Variants in COMMD10 observed in about 807,000 individuals in gnomAD.
The protein encoded by COMMD10 is COMM domain containing 10, also known as COMM domain-containing protein 10.
In COMMD10, 33 loss-of-function variants were observed where a neutral mutation model predicts 28.9. The observed-to-expected ratio is 1.14, with a 90% confidence interval of 0.87 to 1.53. The LOEUF (loss-of-function observed/expected upper bound fraction) is 1.53. Ranked by LOEUF, COMMD10 falls within the 40% of genes most tolerant of loss-of-function variation. The pLI is 0.00. For missense variants in COMMD10, 310 were observed against 233.4 expected (o/e 1.33, Z -2.14); for synonymous variants, 110 against 81.7 (o/e 1.35, Z -1.87).
intron 5 of COMMD10, among the ~76,000 whole-genome samples, chr5:116,209,304 C>T (rs867515403): frequency 4.5e-4 from 68 of 152,112 alleles, no homozygotes; most frequent in African/African-American, 1.4e-3. Context: ...AAATTTGGCA[C>T]TTAATGGTTT....
chr5:116,231,408 C>A (rs1326031696), intron 5 of COMMD10, among the ~76,000 whole-genome samples: 1 of 151,896 alleles, frequency 6.6e-6, no homozygotes, highest in Non-Finnish European at 1.5e-5. Context: ...CTTTGGAGAA[C>A]AAAAATGGTA....
intron 5 of COMMD10, among the ~76,000 whole-genome samples, chr5:116,283,836 A>C (rs751872484): frequency 4.0e-5 from 6 of 151,786 alleles, no homozygotes; most frequent in African/African-American, 1.5e-4. Context: ...TCCTGTTACA[A>C]TTATCAGCAA....
chr5:116,189,386 G>A (rs1748268737), intron 5 of COMMD10, among the ~76,000 whole-genome samples: 1 of 152,186 alleles, frequency 6.6e-6, no homozygotes, highest in East Asian at 1.9e-4. Context: ...AGCAGTGGTG[G>A]TGGTGCCACA....
At chr5:116,179,499 G>T (rs1279523331) in intron 5 of COMMD10, among the ~76,000 whole-genome samples, 1 of 152,100 alleles carries the variant, frequency 6.6e-6, no homozygotes, top group African/African-American at 2.4e-5. Context: ...TAGAAGAAAT[G>T]AGACATTGAA....
intron 4 of COMMD10, among the ~76,000 whole-genome samples, chr5:116,114,119 T>A (rs1751152838): frequency 6.6e-6 from 1 of 152,294 alleles, no homozygotes; most frequent in South Asian, 2.1e-4. Flanking sequence ...GGTGAAATTA[T>A]GCTAGGGACT....
At chr5:116,112,898 A>G (rs77779620) in intron 4 of COMMD10, among the ~76,000 whole-genome samples, 2 of 152,094 alleles carry the variant, frequency 1.3e-5, no homozygotes, top group East Asian at 1.9e-4. Context: ...TCTTCTTTGT[A>G]TGATATCTTT....
chr5:116,131,947 G>T (rs141469694), intron 4 of COMMD10, among the ~76,000 whole-genome samples: 1 of 152,004 alleles, frequency 6.6e-6, no homozygotes, highest in Non-Finnish European at 1.5e-5. Flanking sequence ...GTTTTAGAAC[G>T]TAGGAGTGGA....
chr5:116,271,484 T>G lies in COMMD10; in HGVS notation c.511-20033T>G, dbSNP rs77000194. The stretch of plus-strand genomic sequence containing the variant: ...TGTTTCCTATCTCAAATCTAGTTTC[T>G]ATTATGTAAGTATAAGTACCCTCCA... On this transcript the variant is annotated intron_variant, in intron 5 of 6. Coordinates refer to ENST00000274458, the MANE Select transcript of COMMD10 (RefSeq NM_016144.4). Among the ~76,000 whole-genome samples, 850 of 151,744 alleles carry G rather than the reference T, an allele frequency of 5.6e-3. 19 individuals carry two copies. The highest frequency in any genetic ancestry group is 0.02 in the African/African-American group (815 of 41,172).
At chr5:116,289,684 C>A (rs1751315082) in intron 5 of COMMD10, among the ~76,000 whole-genome samples, 1 of 151,782 alleles carries the variant, frequency 6.6e-6, no homozygotes, top group Admixed American at 6.6e-5. Context: ...GTGGTGGGTT[C>A]TTCTTGGTTG....
intron 5 of COMMD10, among the ~76,000 whole-genome samples, chr5:116,190,908 T>C (rs1748348846): frequency 6.6e-6 from 1 of 152,230 alleles, no homozygotes; most frequent in Admixed American, 6.5e-5. Flanking sequence ...GTAAAATATG[T>C]ATTTTTAAAA....
Position 116,179,800 on chromosome 5 carries a change from A to C in COMMD10, c.510+45622A>C, listed in dbSNP as rs1030913946. The stretch of plus-strand genomic sequence containing the variant: ...AGGTCAGTGTGATGGTAACCATGAA[A>C]GATTGAAGTAATATTGAGGCAGGAA... On this transcript the variant is annotated intron_variant, in intron 5 of 6. Transcript: ENST00000274458. Among the ~76,000 whole-genome samples, 153 of 152,194 alleles carry C rather than the reference A, an allele frequency of 1.0e-3. 1 individual carries two copies. The highest frequency in any genetic ancestry group is 3.4e-4 in the Non-Finnish European group (23 of 68,004).
chr5:116,272,661 G>C (rs140291915), intron 5 of COMMD10, among the ~76,000 whole-genome samples: 96 of 151,772 alleles, frequency 6.3e-4, no homozygotes, highest in African/African-American at 2.3e-3. Flanking sequence ...TACCATTCTT[G>C]GAAGAAATGC....
intron 5 of COMMD10, among the ~76,000 whole-genome samples, chr5:116,274,789 A>T (rs1408686519): frequency 1.3e-5 from 2 of 151,682 alleles, no homozygotes; most frequent in Non-Finnish European, 2.9e-5. Flanking sequence ...TCTCTTAATT[A>T]TTGGTGTGCC....
At chr5:116,206,604 A>G (rs559024770) in intron 5 of COMMD10, among the ~76,000 whole-genome samples, 1 of 152,264 alleles carries the variant, frequency 6.6e-6, no homozygotes, top group Non-Finnish European at 1.5e-5. Flanking sequence ...GAGAGCCAAG[A>G]TAGTGCCATT....
chr5:116,185,937 C>T (rs1748121456), intron 5 of COMMD10, among the ~76,000 whole-genome samples: 1 of 152,098 alleles, frequency 6.6e-6, no homozygotes, highest in Admixed American at 6.6e-5. Flanking sequence ...AACTCTGACC[C>T]TGGATGAATG....
Position 116,268,412 on chromosome 5 carries a change from T to C in COMMD10, c.511-23105T>C, listed in dbSNP as rs531600556. 1.3e-3 allele frequency among the ~76,000 whole-genome samples: 191 copies of C among 151,936 alleles called. 3 individuals are homozygous for C. Among genetic ancestry groups the C allele is most frequent in the African/African-American group, 4.1e-3 (168 of 41,268 alleles). ...AAAACCACAATGAGATACCATCTCA[T>C]ACCAGTTAGAATGGCAATCATTAAA... On this transcript the variant is annotated intron_variant, in intron 5 of 6. Coordinates refer to ENST00000274458, the MANE Select transcript of COMMD10 (RefSeq NM_016144.4).
chr5:116,272,326 C>G (rs144772969), intron 5 of COMMD10, among the ~76,000 whole-genome samples: 1 of 151,778 alleles, frequency 6.6e-6, no homozygotes, highest in Admixed American at 6.6e-5. Flanking sequence ...TAATGGCTTC[C>G]TATTGAAACT....
chr5:116,159,014 C>T (rs1019529835), intron 5 of COMMD10, among the ~76,000 whole-genome samples: 1 of 152,108 alleles, frequency 6.6e-6, no homozygotes, highest in African/African-American at 2.4e-5. Context: ...TCTCCTGTGG[C>T]TAATCATTTA....
At chr5:116,267,154 A>G (rs903382062) in intron 5 of COMMD10, among the ~76,000 whole-genome samples, 1 of 151,858 alleles carries the variant, frequency 6.6e-6, no homozygotes, top group Non-Finnish European at 1.5e-5. Flanking sequence ...AGGAAGTCAA[A>G]TGGTCCCTGT....
Sources: gnomAD v4.1 joint callset for allele counts (sites outside exome capture counted in the v4.1 genomes callset) on GRCh38, gnomAD v4.1.1 for gene constraint, MANE v1.5 for transcripts, NCBI Gene and HGNC (gene_info 2026-07-23, HGNC 2026-07-21) for gene names.